B4GALT6: variants seen among roughly 807,000 people sequenced by gnomAD.
B4GALT6 encodes the protein beta-1,4-galactosyltransferase 6.
In B4GALT6, 14 loss-of-function variants were observed where a neutral mutation model predicts 46.3. That is an observed-to-expected ratio of 0.30 (90% CI 0.20 to 0.47). B4GALT6 has a LOEUF of 0.47. Among genes scored for constraint, B4GALT6 ranks in the 20% least tolerant of loss-of-function variants. B4GALT6 has a pLI of 0.99. For synonymous variants in B4GALT6, 168 were observed against 162.0 expected (o/e 1.04, Z -0.28); for missense variants, 386 against 480.1 (o/e 0.80, Z 1.83).
chr18:31,641,220 A>G (rs553873784), intron 4 of B4GALT6, among the ~76,000 whole-genome samples: 1 of 152,366 alleles, frequency 6.6e-6, no homozygotes, highest in African/African-American at 2.4e-5. Flanking sequence ...GTAAAGTTCT[A>G]GCTCCTAATA....
the B4GALT6 span, among the ~76,000 whole-genome samples, chr18:31,720,655 CTG>C: frequency 6.6e-6 from 1 of 152,180 alleles, no homozygotes; most frequent in Admixed American, 6.5e-5. Flanking sequence ...CTGAATGAGA[CTG>C]TGTGGATTGA....
At chr18:31,643,340 C>T (rs919444592) in intron 4 of B4GALT6, among the ~76,000 whole-genome samples, 2 of 152,162 alleles carry the variant, frequency 1.3e-5, no homozygotes, top group Admixed American at 6.5e-5. Context: ...GCTCCTTCAC[C>T]CAGGCTAGAG....
chr18:31,685,545 T>G (rs1025508877), upstream of B4GALT6: 3 of 150,928 alleles, frequency 2.0e-5, no homozygotes, highest in Non-Finnish European at 4.4e-5. Context: ...CCGCGCGTCC[T>G]GATAGGCCCG....
rs1455077417 is a variant in B4GALT6, at chr18:31,625,343, T to A, written c.*271A>T. The A allele has an allele frequency of 2.9e-6, 1 of 349,538 alleles. No individual in the cohort carries two copies. The highest frequency in any genetic ancestry group is 7.3e-4 in the Middle Eastern group (1 of 1,366). 21.7% of individuals were successfully genotyped at this position (349,538 alleles called of 1,614,324 possible). A position where few individuals can be genotyped will look rare whatever the true frequency, so the allele number is the denominator to read the frequency against. On this transcript the variant is annotated 3_prime_UTR_variant, in exon 9 of 9. Coordinates refer to ENST00000306851, the MANE Select transcript of B4GALT6 (RefSeq NM_004775.5). The stretch of plus-strand genomic sequence containing the variant: ...TAAATTATAGATTTTAGTATAAAAA[T>A]TTTCTCTTCGGAGGGAGCTCTCTTA...
the B4GALT6 span, among the ~76,000 whole-genome samples, chr18:31,711,509 T>C: frequency 6.6e-6 from 1 of 152,184 alleles, no homozygotes. Flanking sequence ...GAACATGCAG[T>C]ATTTGATTTT....
chr18:31,657,897 C>T (rs1449087), intron 3 of B4GALT6, 79 bp downstream of exon 3: 550,428 of 1,074,116 alleles, frequency 0.51, 147,667 homozygotes, highest in East Asian at 0.73. Flanking sequence ...CCTGCTCCTG[C>T]TGCACTCAAA....
intron 4 of B4GALT6, among the ~76,000 whole-genome samples, chr18:31,643,658 C>A (rs1667283): frequency 6.6e-6 from 1 of 152,000 alleles, no homozygotes; most frequent in Admixed American, 6.5e-5. Context: ...ATGTAGTTTA[C>A]AGTCAGTCTA....
rs77330355 is a variant in B4GALT6, at chr18:31,631,921, A to G, written c.589-775T>C. On this transcript the variant is annotated intron_variant, in intron 5 of 8. Transcript: ENST00000306851. Reference sequence around the variant, plus strand: ...AATAGTTTCTATTATTGCTTATGATAAAGATTAAGGGCATTTTTAAGGGAC... The same window carrying G: ...AATAGTTTCTATTATTGCTTATGATGAAGATTAAGGGCATTTTTAAGGGAC... Among the ~76,000 whole-genome samples the G allele has an allele frequency of 5.8e-4, 88 of 152,306 alleles. No individual in the cohort carries two copies. In the East Asian group the frequency reaches 0.017, roughly 29 times the overall value.
At chr18:31,680,127 A>G (rs1293403317) in intron 1 of B4GALT6, among the ~76,000 whole-genome samples, 3 of 152,174 alleles carry the variant, frequency 2.0e-5, no homozygotes, top group Non-Finnish European at 4.4e-5. Context: ...TGATATTCGG[A>G]TACCAAATCC....
At chr18:31,673,485 C>T (rs1031543749) in intron 1 of B4GALT6, among the ~76,000 whole-genome samples, 3 of 151,956 alleles carry the variant, frequency 2.0e-5, no homozygotes, top group African/African-American at 4.8e-5. Flanking sequence ...TGGTCAGCAA[C>T]GAGGATGGAC....
chr18:31,641,304 A>T (rs1437418076), intron 4 of B4GALT6, among the ~76,000 whole-genome samples: 1 of 152,258 alleles, frequency 6.6e-6, no homozygotes, highest in Non-Finnish European at 1.5e-5. Flanking sequence ...CTGAGACGGT[A>T]ATAAAAGAAA....
intron 6 of B4GALT6, among the ~76,000 whole-genome samples, chr18:31,628,543 TA>T (rs1424757235): frequency 6.6e-6 from 1 of 152,136 alleles, no homozygotes; most frequent in African/African-American, 2.4e-5. Context: ...ACAGATAAAC[TA>T]AAGAAGAGAA....
chr18:31,642,932 T>C (rs1189604108), intron 4 of B4GALT6, among the ~76,000 whole-genome samples: 8 of 152,194 alleles, frequency 5.3e-5, no homozygotes, highest in Non-Finnish European at 1.0e-4. Context: ...CAGTTCTAAT[T>C]AATTTGCCAT....
At chr18:31,655,255 T>C (rs899237020) in intron 3 of B4GALT6, among the ~76,000 whole-genome samples, 1 of 152,218 alleles carries the variant, frequency 6.6e-6, no homozygotes, top group Non-Finnish European at 1.5e-5. Context: ...CTTATCTGTA[T>C]GTGGCTGTAT....
chr18:31,683,418 C>T (rs1049503781), intron 1 of B4GALT6, among the ~76,000 whole-genome samples: 1 of 152,110 alleles, frequency 6.6e-6, no homozygotes, highest in Non-Finnish European at 1.5e-5. Flanking sequence ...ACGTAATAGC[C>T]AGGAAAAACT....
At chr18:31,687,943 C>G (rs766422874), upstream of B4GALT6, among the ~76,000 whole-genome samples, 2 of 151,792 alleles carry the variant, frequency 1.3e-5, no homozygotes, top group African/African-American at 2.4e-5. Flanking sequence ...TGCTTGTGAG[C>G]ATGGTAAAAT....
chr18:31,712,281 G>A, the B4GALT6 span, among the ~76,000 whole-genome samples: 1 of 127,630 alleles, frequency 7.8e-6, no homozygotes, highest in East Asian at 2.0e-4. Flanking sequence ...CTTCTACTGG[G>A]ACGTTATTTT....
the B4GALT6 span, among the ~76,000 whole-genome samples, chr18:31,701,077 T>C: frequency 1.3e-5 from 2 of 152,224 alleles, no homozygotes; most frequent in African/African-American, 4.8e-5. Flanking sequence ...CAGTATATAT[T>C]GATATGGTTT....
the B4GALT6 span, among the ~76,000 whole-genome samples, chr18:31,721,002 C>T: frequency 6.6e-6 from 1 of 152,300 alleles, no homozygotes; most frequent in Non-Finnish European, 1.5e-5. Context: ...GGAGTTGACA[C>T]TGGTTCATTC....
Sources: allele counts gnomAD v4.1 joint callset (sites outside exome capture counted in the v4.1 genomes callset), GRCh38; gene constraint gnomAD v4.1.1; transcripts MANE v1.5; gene names NCBI Gene and HGNC (gene_info 2026-07-23, HGNC 2026-07-21).